Variants in TTC38 observed in about 807,000 individuals in gnomAD.
The protein encoded by TTC38 is tetratricopeptide repeat protein 38.
TTC38 carries 64 observed loss-of-function variants against 64.2 expected under a neutral mutation model. The observed-to-expected ratio is 1.00, with a 90% confidence interval of 0.81 to 1.23. The LOEUF (loss-of-function observed/expected upper bound fraction) is 1.23, where lower values mean the gene tolerates loss of function less well. Ranked by LOEUF, TTC38 falls within the 50% of genes most tolerant of loss-of-function variation. The pLI is 0.00. For synonymous variants in TTC38, 254 were observed against 249.3 expected (o/e 1.02, Z -0.18); for missense variants, 573 against 615.5 (o/e 0.93, Z 0.73).
In TTC38 at chr22:46,276,588, C is replaced by T. The variant is rs2077488793; in HGVS notation, c.539+1167C>T. Among the ~76,000 whole-genome samples, 1 of 151,390 alleles carries T rather than the reference C, an allele frequency of 6.6e-6. No homozygotes were observed. The highest frequency in any genetic ancestry group is 2.4e-5 in the African/African-American group (1 of 41,176). On this transcript the variant is annotated intron_variant, in intron 5 of 13. Transcript: ENST00000381031. The surrounding 1 kb of genome is among the most constrained non-coding windows in gnomAD (Gnocchi z 4.7). Reference sequence around the variant, plus strand: ...TGGCATGTGCCTGTAGTTCCGGCTACTCAGGAGGCTGTGGCGGGAGGTTCC... The same window carrying T: ...TGGCATGTGCCTGTAGTTCCGGCTATTCAGGAGGCTGTGGCGGGAGGTTCC...
intron 9 of TTC38, among the ~76,000 whole-genome samples, chr22:46,286,173 C>A (rs2077570179): frequency 1.3e-5 from 2 of 151,900 alleles, no homozygotes; most frequent in Non-Finnish European, 2.9e-5. Flanking sequence ...CAGGCCCAGG[C>A]ATTCTTTTGA....
At chr22:46,283,042 C>T (rs2077546196) in intron 7 of TTC38, among the ~76,000 whole-genome samples, 1 of 152,226 alleles carries the variant, frequency 6.6e-6, no homozygotes, top group Non-Finnish European at 1.5e-5. Context: ...GATCCTTCCA[C>T]CTCGGCCTCC....
At position 46,276,309 on chromosome 22, in the gene TTC38, C is replaced by T. The variant is rs1010734620; in HGVS notation, c.539+888C>T. Among the ~76,000 whole-genome samples the T allele has an allele frequency of 3.3e-5, 5 of 152,192 alleles. No individual in the cohort carries two copies. The South Asian group carries it at 6.2e-4, about 19-fold the overall frequency. ...CAGAATTTCTTCTTCTAGGGGCCTCCGTCTTTCTCTTAAGGCCTTTAACTG... is the reference window on the plus strand; with the variant it reads ...CAGAATTTCTTCTTCTAGGGGCCTCTGTCTTTCTCTTAAGGCCTTTAACTG... On this transcript the variant is annotated intron_variant, in intron 5 of 13. Coordinates refer to ENST00000381031, the MANE Select transcript of TTC38 (RefSeq NM_017931.4). The surrounding 1 kb of genome is among the most constrained non-coding windows in gnomAD (Gnocchi z 4.7).
In TTC38 at chr22:46,275,148, C is replaced by T; in HGVS notation, c.366-100C>T. ...AAACTGATTTTTAAAAAAACACATC[C>T]ATGTAGACCATGACACTGGTGAGAA... On this transcript the variant is annotated intron_variant, in intron 4 of 13. Transcript: ENST00000381031. The surrounding 1 kb of genome is among the most constrained non-coding windows in gnomAD (Gnocchi z 4.5). 8.5e-7 allele frequency: 1 copy of T among 1,175,332 alleles called. No homozygotes were observed. The highest frequency in any genetic ancestry group is 1.2e-6 in the Non-Finnish European group (1 of 827,714). 72.8% of individuals were successfully genotyped at this position (1,175,332 alleles called of 1,614,324 possible).
At position 46,272,188 on chromosome 22, in the gene TTC38, A is replaced by G. The variant is rs773239286; in HGVS notation, c.112-147A>G. The stretch of plus-strand genomic sequence containing the variant: ...CTATTTTTAGTAGAGATGGGGTTTT[A>G]CCGTGTTGGTCAGGCTGGTCTCGAA... On this transcript the variant is annotated intron_variant, in intron 2 of 13. Transcript: ENST00000381031. The surrounding 1 kb of genome is among the most constrained non-coding windows in gnomAD (Gnocchi z 6.4). 7 of 577,336 alleles carry G rather than the reference A, an allele frequency of 1.2e-5. No homozygotes were observed. Among genetic ancestry groups the G allele is most frequent in the Non-Finnish European group, 1.9e-5 (6 of 318,286 alleles). 35.8% of individuals were successfully genotyped at this position (577,336 alleles called of 1,614,324 possible). A position where few individuals can be genotyped will look rare whatever the true frequency, so the allele number is the denominator to read the frequency against.
At chr22:46,283,457 T>A (rs1178765565) in intron 7 of TTC38, among the ~76,000 whole-genome samples, 1 of 152,138 alleles carries the variant, frequency 6.6e-6, no homozygotes, top group Non-Finnish European at 1.5e-5. Context: ...GTTTCCTCCT[T>A]GGTAAATGCA....
intron 8 of TTC38, among the ~76,000 whole-genome samples, chr22:46,284,868 CAAAAAAAA>C (rs130641): frequency 1.1e-4 from 8 of 75,324 alleles, no homozygotes; most frequent in East Asian, 7.4e-4. Flanking sequence ...GACCCCATCT[CAAAAAAAA>C]AAAAAAAAAA....
At chr22:46,284,102 T>C in intron 8 of TTC38, 70 bp downstream of exon 8, 3 of 1,344,302 alleles carry the variant, frequency 2.2e-6, no homozygotes, top group Non-Finnish European at 3.1e-6. Context: ...TTTTTCTAGC[T>C]TTTGCTATGT....
rs1246532540 is a variant in TTC38, at chr22:46,270,251, A to C, written c.111+1660A>C. On this transcript the variant is annotated intron_variant, in intron 2 of 13. Transcript: ENST00000381031. This position sits in a 1 kb window ranked among gnomAD's most constrained non-coding sequence, Gnocchi z 4.7. ...GCCAACCCTCCTGTATCTTGTCAAA[A>C]TGCTTGCGTAGCTTATAGTCTCAGC... Among the ~76,000 whole-genome samples, 1 of 152,138 alleles carries C rather than the reference A, an allele frequency of 6.6e-6. No homozygotes were observed. The highest frequency in any genetic ancestry group is 1.9e-4 in the East Asian group (1 of 5,196).
chr22:46,277,185 A>G (rs184799453), intron 5 of TTC38, among the ~76,000 whole-genome samples: 2 of 152,200 alleles, frequency 1.3e-5, no homozygotes, highest in Admixed American at 6.6e-5. Context: ...TGAAGCTAAC[A>G]TCTTAGTCTC....
In TTC38 at chr22:46,271,135, G is replaced by A. The variant is rs1601864870; in HGVS notation, c.112-1200G>A. Among the ~76,000 whole-genome samples, 1 of 152,360 alleles carries A rather than the reference G, an allele frequency of 6.6e-6. No individual in the cohort carries two copies. The highest frequency in any genetic ancestry group is 1.9e-4 in the East Asian group (1 of 5,194). ...TTTAAAACGAATGAATAAGAAGCAG[G>A]AATATTCCTATCGTGACCAACTTCA... On this transcript the variant is annotated intron_variant, in intron 2 of 13. Coordinates refer to ENST00000381031, the MANE Select transcript of TTC38 (RefSeq NM_017931.4). The surrounding 1 kb of genome is among the most constrained non-coding windows in gnomAD (Gnocchi z 5.5).
Position 46,283,986 on chromosome 22 carries a change from T to A in TTC38, c.749T>A (p.Leu250Ter). ...SETFWKDSDM[L>*]ACHNYWHWAL... ...TTTTTTCTCCAGGACTCTGATATGT[T>A]GGCTTGTCATAACTATTGGCACTGG... The change falls in exon 8 of 14, where the codon TTG becomes TAG. Residue 250 changes from leucine to a stop codon, truncating the protein, a stop_gained. Coordinates refer to ENST00000381031, the MANE Select transcript of TTC38 (RefSeq NM_017931.4). LOFTEE classifies it high-confidence loss of function. 6.2e-7 allele frequency: 1 copy of A among 1,603,900 alleles called. No homozygotes were observed. Among genetic ancestry groups the A allele is most frequent in the Non-Finnish European group, 8.5e-7 (1 of 1,177,352 alleles).
chr22:46,292,779 C>G lies in TTC38; in HGVS notation c.1317-12C>G. 2 of 1,611,602 alleles carry G rather than the reference C, an allele frequency of 1.2e-6. No individual in the cohort carries two copies. The highest frequency in any genetic ancestry group is 1.7e-6 in the Non-Finnish European group (2 of 1,177,826). ...AGGTTCTGTAACAGGACCTCTGTGT[C>G]TGTTTCCACAGGAGCCTTCTGATGG... On this transcript the variant is annotated splice_polypyrimidine_tract_variant and intron_variant, in intron 13 of 13. Transcript: ENST00000381031. This position sits in a 1 kb window ranked among gnomAD's most constrained non-coding sequence, Gnocchi z 6.5.
rs761901360 is a variant in TTC38, at chr22:46,272,445, G to T, written c.193+29G>T. 2 of 1,570,564 alleles carry T rather than the reference G, an allele frequency of 1.3e-6. No individual in the cohort carries two copies. The highest frequency in any genetic ancestry group is 2.2e-5 in the South Asian group (2 of 90,120). ...AGTAACGCCTTCCCTGGGTGGAGGAGCCCCGCTTCACACATCCAGCCCCTC... is the reference window on the plus strand; with the variant it reads ...AGTAACGCCTTCCCTGGGTGGAGGATCCCCGCTTCACACATCCAGCCCCTC... On this transcript the variant is annotated intron_variant, in intron 3 of 13. Transcript: ENST00000381031. The surrounding 1 kb of genome is among the most constrained non-coding windows in gnomAD (Gnocchi z 6.4).
At chr22:46,277,993 T>C (rs1163504570) in intron 5 of TTC38, among the ~76,000 whole-genome samples, 13 of 152,174 alleles carry the variant, frequency 8.5e-5, no homozygotes, top group Non-Finnish European at 1.9e-4. Context: ...GCAGGGCCGC[T>C]CTCCGTGCTG....
At position 46,276,776 on chromosome 22, in the gene TTC38, A is replaced by G. The variant is rs1276603194; in HGVS notation, c.539+1355A>G. Among the ~76,000 whole-genome samples the G allele has an allele frequency of 7.2e-6, 1 of 138,006 alleles. No homozygotes were observed. Among genetic ancestry groups the G allele is most frequent in the Non-Finnish European group, 1.6e-5 (1 of 62,860 alleles). The allele number at this position is 138,006 out of a possible 152,430, so 90.5% of individuals were successfully genotyped here. On this transcript the variant is annotated intron_variant, in intron 5 of 13. Transcript: ENST00000381031. The surrounding 1 kb of genome is among the most constrained non-coding windows in gnomAD (Gnocchi z 4.7). The stretch of plus-strand genomic sequence containing the variant: ...CATATATTAAAAATATATATTAAAT[A>G]TATATTAAAATATATATTAAAAATT...
chr22:46,281,605 T>C lies in TTC38; in HGVS notation c.622T>C (p.Ser208Pro), dbSNP rs764904723. The C allele has an allele frequency of 6.2e-7, 1 of 1,613,994 alleles. No individual in the cohort carries two copies. The highest frequency in any genetic ancestry group is 2.2e-5 in the East Asian group (1 of 44,880). ...QAEKLAKEAL[S>P]INPTDAWSVH... ...TTCCCCGCACCCTGCGTAGGCTTTA[T>C]CTATTAACCCGACAGACGCATGGTC... Residue 208 changes from serine to proline, a missense_variant, in exon 7 of 14, where the codon TCT becomes CCT. Physicochemically the swap from Ser to Pro is moderately conservative, Grantham distance 74. This residue lies in a region of TTC38 where 371 missense variants were observed against 381.8 expected (regional missense o/e 0.97). Coordinates refer to ENST00000381031, the MANE Select transcript of TTC38 (RefSeq NM_017931.4). This position sits in a 1 kb window ranked among gnomAD's most constrained non-coding sequence, Gnocchi z 5.2.
intron 2 of TTC38, among the ~76,000 whole-genome samples, chr22:46,269,541 C>T (rs1190283697): frequency 1.3e-5 from 2 of 152,170 alleles, no homozygotes; most frequent in East Asian, 1.9e-4. Flanking sequence ...CTAAGCTGAC[C>T]TTGGCGTGGG....
intron 1 of TTC38, 117 bp downstream of exon 1, chr22:46,268,189 G>T: frequency 8.7e-7 from 1 of 1,150,618 alleles, no homozygotes; most frequent in South Asian, 1.6e-5. Flanking sequence ...GTGAGCCCTG[G>T]GCGCACGGGC....
Sources: allele counts gnomAD v4.1 joint callset (sites outside exome capture counted in the v4.1 genomes callset), GRCh38; gene constraint gnomAD v4.1.1; regional missense constraint gnomAD v4.1.1; non-coding constraint Gnocchi (gnomAD v3.1); transcripts MANE v1.5; gene names NCBI Gene and HGNC (gene_info 2026-07-23, HGNC 2026-07-21).